CNNM1: variants seen among roughly 807,000 people sequenced by gnomAD.
CNNM1 encodes metal transporter CNNM1.
CNNM1 carries 44 observed loss-of-function variants against 78.8 expected under a neutral mutation model. The observed-to-expected ratio is 0.56, with a 90% CI of 0.44 to 0.72. The LOEUF is 0.72. Among genes scored for constraint, CNNM1 ranks in the 30% least tolerant of loss-of-function variants. CNNM1 has a pLI of 0.00. For missense variants in CNNM1, 1,101 were observed against 1,292.2 expected (o/e 0.85, Z 2.27); for synonymous variants, 584 against 581.5 (o/e 1.00, Z -0.06).
intron 1 of CNNM1, among the ~76,000 whole-genome samples, chr10:99,336,734 A>G (rs1239305060): frequency 2.0e-5 from 3 of 152,196 alleles, no homozygotes; most frequent in Non-Finnish European, 4.4e-5. Context: ...TGGGAGGCCG[A>G]GACAGGTGGA....
chr10:99,376,582 G>C (rs2031968371), intron 6 of CNNM1, among the ~76,000 whole-genome samples: 1 of 152,184 alleles, frequency 6.6e-6, no homozygotes, highest in African/African-American at 2.4e-5. Context: ...TAAGGTTTGT[G>C]ATTGGAGTTG....
At chr10:99,362,488 A>G (rs562632714) in intron 4 of CNNM1, 92 bp downstream of exon 4, 2 of 1,365,574 alleles carry the variant, frequency 1.5e-6, no homozygotes, top group African/African-American at 1.5e-5. Context: ...CCAAGTTCCA[A>G]GACTTGGCTG....
intron 8 of CNNM1, 58 bp downstream of exon 8, chr10:99,388,061 C>T: frequency 6.3e-7 from 1 of 1,581,546 alleles, no homozygotes; most frequent in Non-Finnish European, 8.6e-7. Flanking sequence ...ATGACCCTGC[C>T]TTCCTCTTCT....
chr10:99,332,477 C>T (rs2029963393), intron 1 of CNNM1, among the ~76,000 whole-genome samples: 3 of 147,336 alleles, frequency 2.0e-5, no homozygotes, highest in Admixed American at 2.0e-4. Flanking sequence ...GACTGTGCCA[C>T]TGAACTCTAG....
Position 99,391,421 on chromosome 10 carries a change from A to T in CNNM1, c.2777-16A>T. ...TCCAGTGTTACAGGCTGATACTTGC[A>T]ACTTGTTTTTTTCAGGTGGCCAAAA... is the stretch of plus-strand genomic sequence containing the variant. On this transcript the variant is annotated splice_polypyrimidine_tract_variant and intron_variant, in intron 10 of 10. Transcript: ENST00000356713. The T allele has an allele frequency of 6.2e-7, 1 of 1,608,448 alleles. No individual in the cohort carries two copies. The highest frequency in any genetic ancestry group is 8.5e-7 in the Non-Finnish European group (1 of 1,175,176).
Position 99,329,510 on chromosome 10 carries a change from G to C in CNNM1, c.123G>C (p.Trp41Cys). 6.6e-7 allele frequency: 1 copy of C among 1,509,696 alleles called. No individual in the cohort carries two copies. The highest frequency in any genetic ancestry group is 8.8e-7 in the Non-Finnish European group (1 of 1,135,776). The allele number at this position is 1,509,696 out of a possible 1,614,324, so 93.5% of individuals were successfully genotyped here. ...LSPRPPAAAA[W>C]LLGLRPEDTA... ...CTCGGCCCCCGGCCGCCGCCGCCTG[G>C]CTGCTGGGCCTGCGGCCCGAGGACA... Residue 41 changes from tryptophan (W) to cysteine (C), a missense_variant, in exon 1 of 11, where the codon TGG becomes TGC. This residue lies in a region of CNNM1 where 476 missense variants were observed against 484.5 expected (regional missense o/e 0.98). Transcript: ENST00000356713.
intron 1 of CNNM1, among the ~76,000 whole-genome samples, chr10:99,351,995 C>T (rs955954992): frequency 2.0e-5 from 3 of 152,126 alleles, no homozygotes; most frequent in Non-Finnish European, 4.4e-5. Context: ...GATTCACGTA[C>T]CATAAAACTC....
intron 7 of CNNM1, 33 bp downstream of exon 7, chr10:99,377,251 C>T (rs766675886): frequency 1.2e-6 from 2 of 1,605,278 alleles, no homozygotes; most frequent in East Asian, 4.5e-5. Flanking sequence ...CCTCTCCCTC[C>T]CAGTGGGCAG....
intron 6 of CNNM1, among the ~76,000 whole-genome samples, chr10:99,376,246 C>A (rs1266524965): frequency 6.6e-6 from 1 of 152,166 alleles, no homozygotes; most frequent in Non-Finnish European, 1.5e-5. Flanking sequence ...TCCTGGAATC[C>A]CCACCCAAAC....
At chr10:99,352,626 A>C (rs1289499015) in intron 1 of CNNM1, among the ~76,000 whole-genome samples, 1 of 152,214 alleles carries the variant, frequency 6.6e-6, no homozygotes, top group Admixed American at 6.5e-5. Context: ...AATGTTAAGC[A>C]TCTTTTCATT....
intron 9 of CNNM1, 102 bp downstream of exon 9, chr10:99,388,403 G>T: frequency 7.2e-7 from 1 of 1,384,266 alleles, no homozygotes. Flanking sequence ...TGGGACCGCA[G>T]CCCGTGCGTT....
intron 7 of CNNM1, 40 bp from the exon 8 acceptor site, chr10:99,387,780 C>T (rs375620756): frequency 5.2e-6 from 8 of 1,534,490 alleles, no homozygotes; most frequent in Non-Finnish European, 6.1e-6. Context: ...CGGGTGGTCT[C>T]TGCCTAGCTG....
At chr10:99,354,079 T>C (rs556252810) in intron 1 of CNNM1, among the ~76,000 whole-genome samples, 1 of 152,330 alleles carries the variant, frequency 6.6e-6, no homozygotes, top group East Asian at 1.9e-4. Flanking sequence ...AAATATCCAA[T>C]TATAGGAAGC....
chr10:99,356,280 A>T (rs1213494604), intron 1 of CNNM1, among the ~76,000 whole-genome samples: 1 of 152,084 alleles, frequency 6.6e-6, no homozygotes, highest in East Asian at 1.9e-4. Context: ...GATCGAGACC[A>T]TCTTGGCCAA....
At chr10:99,357,815 A>G (rs1056404076) in intron 2 of CNNM1, among the ~76,000 whole-genome samples, 160 bp downstream of exon 2, 7 of 152,172 alleles carry the variant, frequency 4.6e-5, no homozygotes, top group Admixed American at 2.0e-4. Context: ...AAGATACCCT[A>G]GTTGGAATCA....
intron 3 of CNNM1, among the ~76,000 whole-genome samples, chr10:99,361,538 A>C (rs1045526295): frequency 1.3e-5 from 2 of 152,234 alleles, no homozygotes; most frequent in Non-Finnish European, 2.9e-5. Flanking sequence ...AATTAATCCA[A>C]CATATATTTA....
intron 1 of CNNM1, among the ~76,000 whole-genome samples, chr10:99,348,337 C>T (rs903838818): frequency 2.6e-5 from 4 of 152,280 alleles, no homozygotes; most frequent in South Asian, 4.1e-4. Context: ...TAAGCCACGG[C>T]GCCCAGCCTT....
chr10:99,386,313 A>C (rs1027178298), intron 7 of CNNM1, among the ~76,000 whole-genome samples: 2 of 152,314 alleles, frequency 1.3e-5, no homozygotes, highest in Admixed American at 1.3e-4. Flanking sequence ...CCAGGAACAC[A>C]GGAACTTGCT....
At chr10:99,385,742 T>C (rs1271080947) in intron 7 of CNNM1, among the ~76,000 whole-genome samples, 2 of 152,232 alleles carry the variant, frequency 1.3e-5, no homozygotes, top group Non-Finnish European at 2.9e-5. Context: ...TAAAAATGTA[T>C]ATGTATTTGG....
Sources: gnomAD v4.1 joint callset for allele counts (sites outside exome capture counted in the v4.1 genomes callset) on GRCh38, gnomAD v4.1.1 for gene constraint, gnomAD v4.1.1 regional missense constraint, MANE v1.5 for transcripts, NCBI Gene and HGNC (gene_info 2026-07-23, HGNC 2026-07-21) for gene names.